Variants in MARK3 observed in about 807,000 individuals in gnomAD.
MARK3 encodes MAP/microtubule affinity-regulating kinase 3.
Under a neutral mutation model 90.1 loss-of-function variants are expected in MARK3, and 46 were observed. The ratio of observed to expected loss-of-function variants is 0.51; its 90% CI spans 0.40 to 0.65. MARK3 has a LOEUF of 0.65. MARK3 is among the 30% of genes least tolerant of loss of function. The pLI, the probability that MARK3 is intolerant of heterozygous loss-of-function variation, is 0.00. For missense variants in MARK3, 818 were observed against 947.2 expected, an observed-to-expected ratio of 0.86 and a Z score of 1.79; for synonymous variants, 321 against 332.6, an observed-to-expected ratio of 0.97 and a Z score of 0.38.
intron 14 of MARK3, among the ~76,000 whole-genome samples, chr14:103,483,607 C>T (rs1019023705): frequency 1.3e-5 from 2 of 152,196 alleles, no homozygotes; most frequent in African/African-American, 2.4e-5. Context: ...CCTGTGGGAA[C>T]AATAAAGTTA....
At chr14:103,456,775 A>G (rs909800609) in intron 5 of MARK3, among the ~76,000 whole-genome samples, 7 of 152,244 alleles carry the variant, frequency 4.6e-5, no homozygotes, top group East Asian at 1.9e-4. Flanking sequence ...TACTCAGGAA[A>G]TGCTTTGTTG....
chr14:103,450,877 TGTG>T (rs1244160165), intron 4 of MARK3, among the ~76,000 whole-genome samples: 20 of 13,026 alleles, frequency 1.5e-3, no homozygotes, highest in African/African-American at 4.3e-3. Context: ...ATTTTTAAAG[TGTG>T]TGTGTGTGTG....
At chr14:103,482,394 G>A (rs778834650) in intron 14 of MARK3, among the ~76,000 whole-genome samples, 13 of 151,942 alleles carry the variant, frequency 8.6e-5, no homozygotes, top group African/African-American at 2.9e-4. Context: ...GGTGGCACGC[G>A]CCTGTAGTCC....
chr14:103,497,829 A>G (rs1408750750), intron 15 of MARK3, among the ~76,000 whole-genome samples: 1 of 152,218 alleles, frequency 6.6e-6, no homozygotes, highest in Non-Finnish European at 1.5e-5. Flanking sequence ...ATTTTTGTTC[A>G]TAAGGTATTC....
chr14:103,467,550 C>G (rs1461828263), intron 11 of MARK3: 1 of 164,870 alleles, frequency 6.1e-6, no homozygotes, highest in Non-Finnish European at 1.3e-5. Context: ...TGGCGCTTGC[C>G]TGTAATCCCT....
chr14:103,462,304 G>C (rs1595792672), intron 6 of MARK3, 101 bp from the exon 7 acceptor site: 1 of 769,008 alleles, frequency 1.3e-6, no homozygotes. Flanking sequence ...ACATTCGAGC[G>C]TATACTGAGT....
chr14:103,401,578 C>A (rs1203053435), intron 1 of MARK3, among the ~76,000 whole-genome samples: 1 of 152,164 alleles, frequency 6.6e-6, no homozygotes, highest in Non-Finnish European at 1.5e-5. Flanking sequence ...GAGAGCAAAA[C>A]ACAGGGCTGG....
At chr14:103,394,892 C>T (rs1283526889) in intron 1 of MARK3, among the ~76,000 whole-genome samples, 2 of 152,128 alleles carry the variant, frequency 1.3e-5, no homozygotes, top group African/African-American at 4.8e-5. Flanking sequence ...AAGTGATTGT[C>T]CTGCCTCAGC....
chr14:103,458,817 GT>G, intron 6 of MARK3: 1 of 652,186 alleles, frequency 1.5e-6, no homozygotes, highest in Middle Eastern at 2.4e-4. Context: ...GACTTATTAA[GT>G]TTCTTATAAA....
chr14:103,390,869 C>A (rs1325596656), intron 1 of MARK3, among the ~76,000 whole-genome samples: 1 of 152,086 alleles, frequency 6.6e-6, no homozygotes, highest in Non-Finnish European at 1.5e-5. Context: ...CCACCACATG[C>A]ATGGCTAATT....
chr14:103,413,463 G>A (rs1338351346), intron 2 of MARK3, among the ~76,000 whole-genome samples: 2 of 110,590 alleles, frequency 1.8e-5, no homozygotes, highest in African/African-American at 5.9e-5. Context: ...GTCTGGCTCT[G>A]TCGCCCAGGC....
intron 6 of MARK3, among the ~76,000 whole-genome samples, chr14:103,460,073 CT>C (rs571611660): frequency 1.3e-3 from 54 of 41,720 alleles, no homozygotes; most frequent in African/African-American, 4.5e-3. Flanking sequence ...CCAGCTCCAT[CT>C]TTTTTTTTTT....
chr14:103,480,376 CT>C lies in MARK3; in HGVS notation c.1483-5del. On this transcript the variant is annotated splice_polypyrimidine_tract_variant and intron_variant, in intron 13 of 17. Coordinates refer to ENST00000429436, the MANE Select transcript of MARK3 (RefSeq NM_001128918.3). The stretch of plus-strand genomic sequence containing the variant: ...CAAATAAATTTAAGACAAAAATGCC[CT>C]TTTTTATAGAGTAACACAGCATCTG... 1.9e-6 allele frequency: 3 copies of C among 1,578,960 alleles called. No homozygotes were observed. Among genetic ancestry groups the C allele is most frequent in the Non-Finnish European group, 2.6e-6 (3 of 1,153,270 alleles).
chr14:103,403,996 G>C (rs747831725), intron 1 of MARK3, among the ~76,000 whole-genome samples: 11 of 152,158 alleles, frequency 7.2e-5, no homozygotes, highest in Non-Finnish European at 1.5e-4. Context: ...CCCTAACCTG[G>C]TATGTGAATG....
intron 2 of MARK3, among the ~76,000 whole-genome samples, chr14:103,424,732 G>C (rs1566818322): frequency 6.6e-6 from 1 of 152,122 alleles, no homozygotes. Flanking sequence ...CCAGAAAAGA[G>C]TGTGTATGTC....
rs545804411 is a variant in MARK3 at position 103,484,877 on chromosome 14, C to T, written c.1586+4387C>T. 1.3e-3 allele frequency among the ~76,000 whole-genome samples: 202 copies of T among 151,310 alleles called. 1 individual carries two copies. Among genetic ancestry groups the T allele is most frequent in the Admixed American group, 4.4e-3 (66 of 15,172 alleles). ...CAGAGGTTGCAGTGAGCCGAGATAG[C>T]GCCACTGCACTCCAGCCTGGCAACA... On this transcript the variant is annotated intron_variant, in intron 14 of 17. Transcript: ENST00000429436.
chr14:103,393,027 G>A (rs180712610), intron 1 of MARK3, among the ~76,000 whole-genome samples: 12 of 152,046 alleles, frequency 7.9e-5, no homozygotes, highest in East Asian at 3.9e-4. Context: ...CTTGTTGCCC[G>A]GGCTGGAGTG....
chr14:103,487,010 G>A (rs183611792), intron 14 of MARK3, among the ~76,000 whole-genome samples: 65 of 151,826 alleles, frequency 4.3e-4, no homozygotes, highest in South Asian at 1.5e-3. Context: ...TACCACCCCC[G>A]GGTTTAAACG....
intron 4 of MARK3, among the ~76,000 whole-genome samples, chr14:103,450,025 G>A (rs1166110128): frequency 1.3e-5 from 2 of 152,152 alleles, no homozygotes; most frequent in East Asian, 1.9e-4. Context: ...AACAAAAGGC[G>A]TATGCCCTAT....
Sources: gnomAD v4.1 joint callset for allele counts (sites outside exome capture counted in the v4.1 genomes callset) on GRCh38, gnomAD v4.1.1 for gene constraint, MANE v1.5 for transcripts, NCBI Gene and HGNC (gene_info 2026-07-23, HGNC 2026-07-21) for gene names.